Variants in DPYD observed in about 807,000 individuals in gnomAD.
The protein encoded by DPYD is dihydropyrimidine dehydrogenase.
DPYD carries 109 observed loss-of-function variants against 116.2 expected under a neutral mutation model. The ratio of observed to expected loss-of-function variants is 0.94; its 90% CI spans 0.80 to 1.10. The LOEUF (loss-of-function observed/expected upper bound fraction) is 1.10. DPYD is among the 50% of genes least tolerant of loss of function. The pLI is 0.00. For synonymous variants in DPYD, 440 were observed against 432.0 expected, an observed-to-expected ratio of 1.02 and a Z score of -0.23; for missense variants, 1,302 against 1,254.5, an observed-to-expected ratio of 1.04 and a Z score of -0.57.
At chr1:97,329,351 A>G (rs6698780) in intron 16 of DPYD, among the ~76,000 whole-genome samples, 35,380 of 152,088 alleles carry the variant, frequency 0.23, 4,293 homozygotes, top group Non-Finnish European at 0.28. Flanking sequence ...TGTAATCAGC[A>G]TTACAAATGT....
intron 16 of DPYD, among the ~76,000 whole-genome samples, chr1:97,352,090 G>T (rs1005517499): frequency 2.6e-5 from 4 of 152,102 alleles, no homozygotes; most frequent in African/African-American, 9.7e-5. Flanking sequence ...TTTCTAAAAT[G>T]ATGCAGTGAG....
intron 20 of DPYD, among the ~76,000 whole-genome samples, chr1:97,188,184 C>T (rs1040476962): frequency 2.0e-5 from 3 of 152,076 alleles, no homozygotes; most frequent in African/African-American, 7.2e-5. Context: ...TGCTGTACAA[C>T]CACCATGACA....
intron 13 of DPYD, among the ~76,000 whole-genome samples, chr1:97,464,278 T>C (rs960818964): frequency 1.8e-5 from 2 of 114,214 alleles, no homozygotes; most frequent in Admixed American, 1.7e-4. Flanking sequence ...TAAAATAAAA[T>C]AAAATAAAGA....
At chr1:97,366,119 CAT>C (rs1228697868) in intron 16 of DPYD, among the ~76,000 whole-genome samples, 1 of 152,114 alleles carries the variant, frequency 6.6e-6, no homozygotes, top group East Asian at 1.9e-4. Context: ...TTGAAAAACT[CAT>C]AGAGAACCAG....
chr1:97,678,583 C>G (rs1660268782), intron 8 of DPYD, among the ~76,000 whole-genome samples: 1 of 152,088 alleles, frequency 6.6e-6, no homozygotes, highest in Non-Finnish European at 1.5e-5. Context: ...TATGAGAAAA[C>G]AGTATACAGT....
intron 19 of DPYD, among the ~76,000 whole-genome samples, chr1:97,210,475 C>G (rs1259026137): frequency 6.6e-6 from 1 of 152,024 alleles, no homozygotes; most frequent in Admixed American, 6.6e-5. Context: ...ATTCATTGGT[C>G]GAGACTTACA....
intron 20 of DPYD, among the ~76,000 whole-genome samples, chr1:97,112,376 C>T (rs1162797272): frequency 1.3e-5 from 2 of 152,020 alleles, no homozygotes; most frequent in Non-Finnish European, 2.9e-5. Flanking sequence ...ATTTTGTGCT[C>T]CACATGTTTA....
At chr1:97,590,947 A>G (rs1654462336) in intron 10 of DPYD, among the ~76,000 whole-genome samples, 1 of 152,200 alleles carries the variant, frequency 6.6e-6, no homozygotes. Flanking sequence ...TTCTCTTTCA[A>G]TGAGAGTAAA....
Position 97,451,950 on chromosome 1 carries a change from AAGG to A in DPYD, c.1741-1730_1741-1728del, listed in dbSNP as rs528429602. Among the ~76,000 whole-genome samples the A allele has an allele frequency of 2.6e-3, 398 of 152,250 alleles. 2 individuals are homozygous for A. Among genetic ancestry groups the A allele is most frequent in the African/African-American group, 8.7e-3 (362 of 41,562 alleles). ...GTTCTCTACACAGGATTTCTTAGCC[AAGG>A]AGGAGTGAAGTCTGTATTTAGTTCA... On this transcript the variant is annotated intron_variant, in intron 13 of 22. Transcript: ENST00000370192.
chr1:97,475,380 A>C (rs946842861), intron 13 of DPYD, among the ~76,000 whole-genome samples: 3 of 152,210 alleles, frequency 2.0e-5, no homozygotes, highest in Non-Finnish European at 4.4e-5. Context: ...ATGTTGGAAA[A>C]CTTTTAAGTA....
chr1:97,396,636 G>A (rs1297735326), intron 14 of DPYD, among the ~76,000 whole-genome samples: 1 of 151,948 alleles, frequency 6.6e-6, no homozygotes, highest in African/African-American at 2.4e-5. Flanking sequence ...CTGATGATAG[G>A]GTAGTATTGG....
intron 11 of DPYD, among the ~76,000 whole-genome samples, chr1:97,561,858 C>G (rs1292596876): frequency 2.0e-5 from 3 of 152,208 alleles, no homozygotes; most frequent in Non-Finnish European, 4.4e-5. Flanking sequence ...CAATCCTCAA[C>G]TATTATAAAT....
At chr1:97,405,200 T>G (rs1557689744) in intron 14 of DPYD, among the ~76,000 whole-genome samples, 1 of 152,136 alleles carries the variant, frequency 6.6e-6, no homozygotes, top group African/African-American at 2.4e-5. Context: ...CTATGATTAT[T>G]TTGAACAAAT....
At chr1:97,428,137 G>A (rs899116690) in intron 14 of DPYD, among the ~76,000 whole-genome samples, 1 of 152,130 alleles carries the variant, frequency 6.6e-6, no homozygotes, top group Non-Finnish European at 1.5e-5. Context: ...ATTGTCAGAA[G>A]TGTAGTATCT....
chr1:97,305,064 C>A (rs1007698447), intron 18 of DPYD, among the ~76,000 whole-genome samples, 195 bp downstream of exon 18: 6 of 151,904 alleles, frequency 3.9e-5, no homozygotes, highest in African/African-American at 1.4e-4. Flanking sequence ...AAGACCTTAT[C>A]TTGATATTCT....
At chr1:97,082,873 T>C (rs1649257361) in intron 21 of DPYD, among the ~76,000 whole-genome samples, 1 of 152,152 alleles carries the variant, frequency 6.6e-6, no homozygotes, top group African/African-American at 2.4e-5. Flanking sequence ...TAGAAAAGTT[T>C]AGATTGCTCA....
chr1:97,782,864 T>C (rs1202418614), intron 3 of DPYD, among the ~76,000 whole-genome samples: 3 of 152,184 alleles, frequency 2.0e-5, no homozygotes, highest in Non-Finnish European at 4.4e-5. Flanking sequence ...AAGTATTCTC[T>C]GGATATCAGG....
intron 18 of DPYD, among the ~76,000 whole-genome samples, chr1:97,298,391 T>C (rs1666660089): frequency 6.6e-6 from 1 of 152,144 alleles, no homozygotes; most frequent in African/African-American, 2.4e-5. Context: ...GAACCACTGA[T>C]CTACTGGAAT....
At chr1:97,868,199 C>A (rs913069440) in intron 2 of DPYD, among the ~76,000 whole-genome samples, 7 of 151,482 alleles carry the variant, frequency 4.6e-5, no homozygotes, top group African/African-American at 1.5e-4. Context: ...AACCATAAAT[C>A]TTTGAAGAAA....
Sources: gnomAD v4.1 joint callset for allele counts (sites outside exome capture counted in the v4.1 genomes callset) on GRCh38, gnomAD v4.1.1 for gene constraint, MANE v1.5 for transcripts, NCBI Gene and HGNC (gene_info 2026-07-23, HGNC 2026-07-21) for gene names.